DNAJC1: variants seen among roughly 807,000 people sequenced by gnomAD.
DNAJC1 encodes dnaJ homolog subfamily C member 1.
A neutral mutation model predicts 76.6 loss-of-function variants in DNAJC1; 58 were observed. That is an observed-to-expected ratio of 0.76 (90% CI 0.61 to 0.94). The LOEUF is 0.94. Among genes scored for constraint, DNAJC1 ranks in the 40% least tolerant of loss-of-function variants. The probability of loss-of-function intolerance (pLI) is 0.00; values close to 1 mark genes in which losing one functional copy is unlikely to be tolerated. For missense variants in DNAJC1, 689 were observed against 677.3 expected (o/e 1.02, Z -0.19); for synonymous variants, 258 against 267.9 (o/e 0.96, Z 0.36).
Position 21,864,495 on chromosome 10 carries a change from G to A in DNAJC1, c.978+17787C>T, listed in dbSNP as rs547554599. 1.4e-4 allele frequency among the ~76,000 whole-genome samples: 21 copies of A among 152,014 alleles called. No homozygotes were observed. In the South Asian group the frequency reaches 2.1e-3, roughly 15 times the overall value. ...AAACTAGCCGAGCGTGGTGGCATGC[G>A]CCTGTAGTCCCAGCTACTCGGCAGG... On this transcript the variant is annotated intron_variant, in intron 8 of 11. Transcript: ENST00000376980.
At chr10:21,808,167 A>G (rs1589988561) in intron 8 of DNAJC1, among the ~76,000 whole-genome samples, 1 of 152,258 alleles carries the variant, frequency 6.6e-6, no homozygotes, top group East Asian at 1.9e-4. Context: ...CAAATTACCT[A>G]ATTTCTATGT....
chr10:21,983,064 G>C (rs898605940), intron 1 of DNAJC1, among the ~76,000 whole-genome samples: 14 of 152,070 alleles, frequency 9.2e-5, no homozygotes, highest in South Asian at 2.1e-4. Flanking sequence ...CAAAAACAAA[G>C]GAAGTTAAAT....
At chr10:21,860,313 G>A (rs1169156910) in intron 8 of DNAJC1, among the ~76,000 whole-genome samples, 2 of 152,012 alleles carry the variant, frequency 1.3e-5, no homozygotes, top group East Asian at 3.9e-4. Context: ...AAAATAGAAA[G>A]AGGAGATAAT....
chr10:21,797,399 T>C (rs548731393), intron 9 of DNAJC1, among the ~76,000 whole-genome samples: 1 of 152,350 alleles, frequency 6.6e-6, no homozygotes, highest in East Asian at 1.9e-4. Flanking sequence ...AGTTTTATTC[T>C]TCTTTCTCAA....
chr10:21,804,071 A>C, intron 9 of DNAJC1: 4 of 522,682 alleles, frequency 7.7e-6, no homozygotes, highest in Non-Finnish European at 9.8e-6. Flanking sequence ...ACTCTAGTAA[A>C]TTAAGTATAT....
At chr10:21,763,908 T>C (rs920123598) in intron 10 of DNAJC1, among the ~76,000 whole-genome samples, 1 of 152,204 alleles carries the variant, frequency 6.6e-6, no homozygotes, top group Non-Finnish European at 1.5e-5. Context: ...TGGTGCCCTA[T>C]GTACGTAACA....
intron 8 of DNAJC1, among the ~76,000 whole-genome samples, chr10:21,868,030 C>T (rs1487283014): frequency 2.3e-5 from 3 of 132,444 alleles, no homozygotes; most frequent in Admixed American, 8.2e-5. Context: ...CTGAGAAGAT[C>T]GCGCCACTGC....
chr10:21,881,544 A>G (rs1204548586), intron 8 of DNAJC1, among the ~76,000 whole-genome samples: 2 of 152,152 alleles, frequency 1.3e-5, no homozygotes, highest in Non-Finnish European at 2.9e-5. Context: ...GGGAGACCAG[A>G]GGAGACGGAA....
At chr10:21,912,784 G>T (rs1836888889) in intron 6 of DNAJC1, among the ~76,000 whole-genome samples, 3 of 151,766 alleles carry the variant, frequency 2.0e-5, no homozygotes, top group Admixed American at 1.3e-4. Context: ...AGCTGTGAAT[G>T]TTCTGTTTGT....
At chr10:21,944,083 T>C (rs1410926977) in intron 1 of DNAJC1, among the ~76,000 whole-genome samples, 2 of 152,152 alleles carry the variant, frequency 1.3e-5, no homozygotes, top group Admixed American at 6.5e-5. Flanking sequence ...ACATAGTTAT[T>C]AGCTTTCAAC....
At chr10:21,980,312 C>A (rs1481532840) in intron 1 of DNAJC1, among the ~76,000 whole-genome samples, 1 of 151,898 alleles carries the variant, frequency 6.6e-6, no homozygotes, top group Non-Finnish European at 1.5e-5. Flanking sequence ...GACACTTAAC[C>A]AAATGATCAA....
chr10:21,935,035 C>T (rs112034484), intron 1 of DNAJC1, among the ~76,000 whole-genome samples: 2,298 of 152,124 alleles, frequency 0.015, 51 homozygotes, highest in African/African-American at 0.052. Context: ...GTAGAAAATA[C>T]CACTGCCACA....
At chr10:21,831,979 C>T (rs1336291913) in intron 8 of DNAJC1, among the ~76,000 whole-genome samples, 2 of 151,890 alleles carry the variant, frequency 1.3e-5, no homozygotes, top group Non-Finnish European at 2.9e-5. Context: ...CATAGTCATC[C>T]TGTGATTTCC....
chr10:21,826,152 G>A (rs1835246394), intron 8 of DNAJC1, among the ~76,000 whole-genome samples: 2 of 150,804 alleles, frequency 1.3e-5, no homozygotes, highest in Admixed American at 1.3e-4. Flanking sequence ...GCAGGAGAAT[G>A]GCTTGAACCT....
chr10:21,854,133 T>C (rs1319575415), intron 8 of DNAJC1, among the ~76,000 whole-genome samples: 1 of 152,108 alleles, frequency 6.6e-6, no homozygotes, highest in South Asian at 2.1e-4. Context: ...AACTCAACCA[T>C]CAGGTTGTTT....
intron 6 of DNAJC1, among the ~76,000 whole-genome samples, chr10:21,908,288 A>ATG (rs1836792889): frequency 7.9e-6 from 1 of 125,858 alleles, no homozygotes; most frequent in Non-Finnish European, 1.6e-5. Context: ...ATATATATAT[A>ATG]AGAATTTCCT....
At chr10:21,898,329 T>C (rs932000521) in intron 7 of DNAJC1, among the ~76,000 whole-genome samples, 3 of 152,192 alleles carry the variant, frequency 2.0e-5, no homozygotes, top group African/African-American at 7.2e-5. Context: ...TATGATATTT[T>C]AGTCAACAAT....
chr10:21,844,834 A>G (rs1230771135), intron 8 of DNAJC1, among the ~76,000 whole-genome samples: 2 of 152,188 alleles, frequency 1.3e-5, no homozygotes, highest in Non-Finnish European at 2.9e-5. Context: ...TGAGCTCAAT[A>G]CCAGCCTTGG....
At chr10:21,954,142 C>CAAT (rs1455367451) in intron 1 of DNAJC1, among the ~76,000 whole-genome samples, 7 of 151,910 alleles carry the variant, frequency 4.6e-5, no homozygotes, top group African/African-American at 1.5e-4. Flanking sequence ...AGAGGAATAG[C>CAAT]GATGAGAAAC....
Sources: gnomAD v4.1 joint callset for allele counts (sites outside exome capture counted in the v4.1 genomes callset) on GRCh38, gnomAD v4.1.1 for gene constraint, MANE v1.5 for transcripts, NCBI Gene and HGNC (gene_info 2026-07-23, HGNC 2026-07-21) for gene names.